CA5A: variants seen among roughly 807,000 people sequenced by gnomAD.
CA5A encodes carbonic anhydrase 5A, mitochondrial.
In CA5A, 28 loss-of-function variants were observed where a neutral mutation model predicts 37.1. The observed-to-expected ratio is 0.75, with a 90% confidence interval of 0.56 to 1.03. CA5A has a LOEUF of 1.03. Among genes scored for constraint, CA5A ranks in the 50% least tolerant of loss-of-function variants. The pLI is 0.00. For missense variants in CA5A, 444 were observed against 399.9 expected (o/e 1.11, Z -0.94); for synonymous variants, 171 against 158.4 (o/e 1.08, Z -0.60).
intron 1 of CA5A, among the ~76,000 whole-genome samples, chr16:87,934,610 C>T (rs1004091230): frequency 6.6e-6 from 1 of 151,908 alleles, no homozygotes; most frequent in African/African-American, 2.4e-5. Flanking sequence ...AGCCATAGAG[C>T]AGTGGGGCCA....
intron 5 of CA5A, chr16:87,893,036 C>G: frequency 8.1e-7 from 1 of 1,227,978 alleles, no homozygotes. Context: ...AGAATGTGCC[C>G]AACCTTCATG....
At position 87,888,162 on chromosome 16, in the gene CA5A, G is replaced by A. The variant is rs2055664333; in HGVS notation, c.885C>T (p.Ser295=). 3.7e-6 allele frequency: 6 copies of A among 1,613,724 alleles called. No homozygotes were observed. In the Admixed American group the frequency reaches 6.7e-5, roughly 18 times the overall value. ...QPLMNRKVWA[S]FQATNEGTRS ...TTGTGCCCTCATTAGTGGCCTGGAAGGACGCCCAGACCTTCCGGTTCATCA... is the reference window on the plus strand; with the variant it reads ...TTGTGCCCTCATTAGTGGCCTGGAAAGACGCCCAGACCTTCCGGTTCATCA... The change falls in exon 7 of 7, where the codon TCC becomes TCT. Residue 295 remains serine, a synonymous_variant. Coordinates refer to ENST00000649794, the MANE Select transcript of CA5A (RefSeq NM_001739.2).
chr16:87,903,584 T>C (rs1038776202), intron 3 of CA5A, among the ~76,000 whole-genome samples: 2 of 152,226 alleles, frequency 1.3e-5, no homozygotes, highest in Non-Finnish European at 2.9e-5. Context: ...TTTATAAATA[T>C]GTGTATGATG....
At chr16:87,884,261 C>CAAAAAAAAAAAAAAAAAAA (rs969489629), downstream of CA5A, 1 of 26,798 alleles carries the variant, frequency 3.7e-5, no homozygotes, top group Non-Finnish European at 7.9e-5. Flanking sequence ...ACTAAAAATG[C>CAAAAAAAAAAAAAAAAAAA]AAAAAAAAAA....
At chr16:87,909,111 G>A (rs1332810914) in intron 2 of CA5A, among the ~76,000 whole-genome samples, 3 of 151,634 alleles carry the variant, frequency 2.0e-5, no homozygotes, top group Non-Finnish European at 2.9e-5. Flanking sequence ...GATTACAGAC[G>A]TGAGCCACTG....
intron 5 of CA5A, among the ~76,000 whole-genome samples, chr16:87,892,619 A>G (rs1263197748): frequency 6.7e-6 from 1 of 150,090 alleles, no homozygotes; most frequent in African/African-American, 2.4e-5. Context: ...GCTGCAAAAA[A>G]TATTACTTTT....
chr16:87,926,873 C>T lies in CA5A; in HGVS notation c.215G>A (p.Arg72Lys), dbSNP rs745510338. Residue 72 changes from arginine to lysine, a missense_variant, in exon 2 of 7, where the codon AGG becomes AAG. Transcript: ENST00000649794. ...CAGCTGGGGGTCATAGACGCTGTCC[C>T]TCCACTGGATGTTAATAGGAGACTG... is the stretch of plus-strand genomic sequence containing the variant. ...TRQSPINIQW[R>K]DSVYDPQLKP... The T allele has an allele frequency of 4.3e-6, 7 of 1,612,630 alleles. No individual in the cohort carries two copies. Among genetic ancestry groups the T allele is most frequent in the Non-Finnish European group, 5.1e-6 (6 of 1,179,230 alleles).
chr16:87,929,421 C>T (rs549757254), intron 1 of CA5A, among the ~76,000 whole-genome samples: 2 of 138,922 alleles, frequency 1.4e-5, no homozygotes, highest in East Asian at 4.2e-4. Flanking sequence ...CACTGCATTC[C>T]AGCCTAGATG....
At chr16:87,885,188 C>CAAAAA, downstream of CA5A, 1 of 169,822 alleles carries the variant, frequency 5.9e-6, no homozygotes, top group South Asian at 1.4e-4. Flanking sequence ...CAAAACAAAA[C>CAAAAA]AAAACAACAA....
intron 2 of CA5A, among the ~76,000 whole-genome samples, chr16:87,917,261 C>T (rs1002297613): frequency 2.0e-5 from 3 of 152,114 alleles, no homozygotes; most frequent in Admixed American, 1.3e-4. Flanking sequence ...GCACTCAAAC[C>T]ATGCTGGACC....
intron 2 of CA5A, among the ~76,000 whole-genome samples, chr16:87,914,088 C>G (rs1432982851): frequency 6.6e-6 from 1 of 152,236 alleles, no homozygotes; most frequent in East Asian, 1.9e-4. Context: ...TGGGACCCAG[C>G]ACATCACCTG....
intron 5 of CA5A, among the ~76,000 whole-genome samples, chr16:87,900,378 A>G (rs7196228): frequency 0.1 from 15,540 of 152,148 alleles, 1,147 homozygotes; most frequent in African/African-American, 0.21. Context: ...CCAGGAGGCC[A>G]CCCCGAAGCC....
chr16:87,927,101 G>A (rs1220894785), intron 1 of CA5A, among the ~76,000 whole-genome samples, 156 bp from the exon 2 acceptor site: 10 of 152,254 alleles, frequency 6.6e-5, no homozygotes, highest in African/African-American at 1.7e-4. Context: ...CCTGCGCAGC[G>A]ACGCACGCCC....
chr16:87,907,787 G>T (rs1231396999), intron 2 of CA5A, among the ~76,000 whole-genome samples: 1 of 152,192 alleles, frequency 6.6e-6, no homozygotes, highest in African/African-American at 2.4e-5. Flanking sequence ...TTAGCCAGGT[G>T]TGGTGGCAGG....
At chr16:87,899,892 C>T (rs1439115316) in intron 5 of CA5A, among the ~76,000 whole-genome samples, 1 of 128,628 alleles carries the variant, frequency 7.8e-6, no homozygotes, top group African/African-American at 3.0e-5. Context: ...TGCACTCCAG[C>T]CTGGGCAACA....
chr16:87,889,842 CT>C (rs2055688233), intron 6 of CA5A, among the ~76,000 whole-genome samples: 1 of 152,320 alleles, frequency 6.6e-6, no homozygotes, highest in Admixed American at 6.5e-5. Context: ...ACAGAATATA[CT>C]TATGAACCCT....
chr16:87,902,360 A>G, intron 4 of CA5A, 65 bp downstream of exon 4: 1 of 1,018,240 alleles, frequency 9.8e-7, no homozygotes, highest in South Asian at 1.4e-5. Context: ...CTCAAAAAAA[A>G]AAAAGCAATC....
chr16:87,891,616 C>T (rs1239427624), intron 6 of CA5A, among the ~76,000 whole-genome samples, 183 bp downstream of exon 6: 10 of 152,150 alleles, frequency 6.6e-5, no homozygotes, highest in South Asian at 4.1e-4. Context: ...TCACTGGAAC[C>T]GCTGTCCAAT....
At chr16:87,886,873 A>G (rs2055652670), downstream of CA5A, 1 of 152,136 alleles carries the variant, frequency 6.6e-6, no homozygotes, top group Non-Finnish European at 1.5e-5. Context: ...CAGGTACCAC[A>G]TTATCTTAAT....
Sources: gnomAD v4.1 joint callset for allele counts (sites outside exome capture counted in the v4.1 genomes callset) on GRCh38, gnomAD v4.1.1 for gene constraint, MANE v1.5 for transcripts, NCBI Gene and HGNC (gene_info 2026-07-23, HGNC 2026-07-21) for gene names.